IL1RAPL1: variants seen among roughly 807,000 people sequenced by gnomAD.
IL1RAPL1 encodes the protein interleukin-1 receptor accessory protein-like 1.
In IL1RAPL1, 3 loss-of-function variants were observed where a neutral mutation model predicts 48.4. That is an observed-to-expected ratio of 0.06 (90% CI 0.03 to 0.16). The LOEUF is 0.16. Among genes scored for constraint, IL1RAPL1 ranks in the 10% least tolerant of loss-of-function variants. The pLI, the probability that IL1RAPL1 is intolerant of heterozygous loss-of-function variation, is 1.00. For missense variants in IL1RAPL1, 349 were observed against 530.6 expected (o/e 0.66, Z 3.36); for synonymous variants, 185 against 187.7 (o/e 0.99, Z 0.12).
intron 5 of IL1RAPL1, among the ~76,000 whole-genome samples, chrX:29,404,741 AG>A (rs1934033807): frequency 1.8e-5 from 2 of 111,867 alleles, no homozygotes; most frequent in Non-Finnish European, 3.8e-5. Flanking sequence ...TGTAGATCCA[AG>A]TTTCTATTCC....
At chrX:29,568,590 TTAAC>T (rs1390095634) in intron 5 of IL1RAPL1, among the ~76,000 whole-genome samples, 3 of 111,122 alleles carry the variant, frequency 2.7e-5, no homozygotes, top group Non-Finnish European at 5.7e-5. Context: ...CTGTACTAGT[TTAAC>T]TAAATTATAC....
intron 2 of IL1RAPL1, among the ~76,000 whole-genome samples, chrX:28,971,959 C>A (rs756240221): frequency 9.7e-6 from 1 of 103,001 alleles, no homozygotes; most frequent in Admixed American, 1.1e-4. Flanking sequence ...TTCCAGAAAC[C>A]CTAATCAACA....
intron 5 of IL1RAPL1, among the ~76,000 whole-genome samples, chrX:29,557,985 C>A (rs1168028311): frequency 9.0e-6 from 1 of 111,651 alleles, no homozygotes; most frequent in Non-Finnish European, 1.9e-5. Context: ...GTGAATAATA[C>A]TGTAATGAAC....
rs1237550740 is a variant in IL1RAPL1 at position 29,051,570 on chromosome X, G to C, written c.83-231368G>C. ...AAAATACCTGAAGAGGAGATAGAAA[G>C]CAATCCGGCTGGGGATCACGTAGCA... On this transcript the variant is annotated intron_variant, in intron 2 of 10. Transcript: ENST00000378993. Among the ~76,000 whole-genome samples, 3 of 112,435 alleles carry C rather than the reference G, an allele frequency of 2.7e-5. No homozygotes were observed. The East Asian group carries it at 8.3e-4, about 31-fold the overall frequency.
intron 1 of IL1RAPL1, among the ~76,000 whole-genome samples, chrX:28,593,231 C>G (rs893191678): frequency 1.8e-5 from 2 of 111,113 alleles, no homozygotes; most frequent in African/African-American, 3.3e-5. Flanking sequence ...TTCAGGTGCC[C>G]AAACTCTAAA....
intron 2 of IL1RAPL1, among the ~76,000 whole-genome samples, chrX:29,026,127 C>A (rs892808744): frequency 8.9e-6 from 1 of 112,005 alleles, no homozygotes; most frequent in Non-Finnish European, 1.9e-5. Context: ...TGACTGCAAT[C>A]TCATCAGGAC....
At chrX:28,770,702 A>G (rs1032176278) in intron 1 of IL1RAPL1, among the ~76,000 whole-genome samples, 1 of 112,427 alleles carries the variant, frequency 8.9e-6, no homozygotes, top group East Asian at 2.8e-4. Context: ...TTGATCTTTG[A>G]AAACTAAAGA....
intron 1 of IL1RAPL1, among the ~76,000 whole-genome samples, chrX:28,727,294 C>G (rs1935688301): frequency 9.2e-6 from 1 of 108,301 alleles, no homozygotes; most frequent in Admixed American, 1.0e-4. Flanking sequence ...CTCTTTGAAG[C>G]AATTGTGAAT....
At chrX:29,377,372 T>C (rs1165277223) in intron 3 of IL1RAPL1, among the ~76,000 whole-genome samples, 2 of 111,943 alleles carry the variant, frequency 1.8e-5, no homozygotes, top group African/African-American at 6.5e-5. Context: ...GGGTTAGTAT[T>C]GATAGATGAG....
chrX:29,928,411 GA>G (rs776640501), intron 8 of IL1RAPL1, among the ~76,000 whole-genome samples: 3 of 111,429 alleles, frequency 2.7e-5, no homozygotes, highest in African/African-American at 9.8e-5. Context: ...CTCCTTCTCA[GA>G]ACCACCTTCA....
At chrX:29,059,417 A>G (rs939497099) in intron 2 of IL1RAPL1, among the ~76,000 whole-genome samples, 2 of 112,261 alleles carry the variant, frequency 1.8e-5, no homozygotes, top group African/African-American at 3.2e-5. Flanking sequence ...AAAAGAAACT[A>G]TCATTTCTAC....
In IL1RAPL1 at chrX:29,399,325, A is replaced by G. The variant is rs182749376; in HGVS notation, c.703+17A>G. 5 of 1,168,829 alleles carry G rather than the reference A, an allele frequency of 4.3e-6. No homozygotes were observed. The East Asian group carries it at 9.0e-5, about 21-fold the overall frequency. On this transcript the variant is annotated intron_variant, in intron 5 of 10. Transcript: ENST00000378993. ...CTGTTACAGGTAATCACAGTCTTCAATATTTCACTTGCAAGTGATGAAACT... is the reference window on the plus strand; with the variant it reads ...CTGTTACAGGTAATCACAGTCTTCAGTATTTCACTTGCAAGTGATGAAACT...
intron 5 of IL1RAPL1, among the ~76,000 whole-genome samples, chrX:29,490,701 A>G (rs188752382): frequency 3.6e-5 from 4 of 109,967 alleles, no homozygotes; most frequent in Admixed American, 1.9e-4. Flanking sequence ...TCTATAATAT[A>G]TTGGCATTTC....
intron 6 of IL1RAPL1, among the ~76,000 whole-genome samples, chrX:29,820,419 T>C (rs143177504): frequency 0.02 from 2,227 of 111,897 alleles, 55 homozygotes; most frequent in African/African-American, 0.067. Flanking sequence ...AGAACAAAGA[T>C]AAAAACAGCT....
chrX:28,986,434 G>T (rs1353232284), intron 2 of IL1RAPL1, among the ~76,000 whole-genome samples: 1 of 112,360 alleles, frequency 8.9e-6, no homozygotes, highest in African/African-American at 3.2e-5. Flanking sequence ...TTAAGTAAAT[G>T]GAGGAACATA....
At chrX:28,887,603 G>T (rs1051003102) in intron 2 of IL1RAPL1, among the ~76,000 whole-genome samples, 8 of 111,025 alleles carry the variant, frequency 7.2e-5, no homozygotes, top group African/African-American at 9.8e-5. Context: ...CTATGCATTT[G>T]TTATTTCTTT....
At chrX:29,703,116 A>G (rs1927097965) in intron 6 of IL1RAPL1, among the ~76,000 whole-genome samples, 1 of 111,719 alleles carries the variant, frequency 9.0e-6, no homozygotes, top group African/African-American at 3.2e-5. Flanking sequence ...TATATTTCAT[A>G]AATTGTAATT....
chrX:28,802,769 A>AT (rs1465648833), intron 2 of IL1RAPL1, among the ~76,000 whole-genome samples: 8 of 111,834 alleles, frequency 7.2e-5, no homozygotes, highest in Non-Finnish European at 1.1e-4. Context: ...GATTCTTCCA[A>AT]TTTTTTCTAT....
intron 2 of IL1RAPL1, among the ~76,000 whole-genome samples, chrX:29,236,820 T>C (rs1412320963): frequency 4.6e-5 from 5 of 108,113 alleles, no homozygotes; most frequent in East Asian, 2.9e-4. Context: ...CTGCCCACCT[T>C]GGCCTCCCAA....
Sources: allele counts gnomAD v4.1 joint callset (sites outside exome capture counted in the v4.1 genomes callset), GRCh38; gene constraint gnomAD v4.1.1; transcripts MANE v1.5; gene names NCBI Gene and HGNC (gene_info 2026-07-23, HGNC 2026-07-21).